Variants in TSPAN18 observed in about 807,000 individuals in gnomAD.
TSPAN18 encodes tetraspanin-18.
In TSPAN18, 14 loss-of-function variants were observed where a neutral mutation model predicts 27.3. That is an observed-to-expected ratio of 0.51 (90% CI 0.34 to 0.80). TSPAN18 has a LOEUF of 0.80. Among genes scored for constraint, TSPAN18 ranks in the 30% least tolerant of loss-of-function variants. The pLI, the probability that TSPAN18 is intolerant of heterozygous loss-of-function variation, is 0.01. For synonymous variants in TSPAN18, 143 were observed against 136.5 expected (o/e 1.05, Z -0.33); for missense variants, 268 against 323.9 (o/e 0.83, Z 1.32).
At chr11:44,910,814 C>A (rs1029308181) in intron 5 of TSPAN18, among the ~76,000 whole-genome samples, 1 of 152,190 alleles carries the variant, frequency 6.6e-6, no homozygotes, top group Admixed American at 6.5e-5. Context: ...GGCAGCCGAG[C>A]CGTGCGGATG....
At chr11:44,900,450 A>C (rs999174318) in intron 3 of TSPAN18, among the ~76,000 whole-genome samples, 9 of 152,160 alleles carry the variant, frequency 5.9e-5, no homozygotes, top group Non-Finnish European at 1.3e-4. Context: ...TGGCTCAGGC[A>C]CTTCTGTACT....
chr11:44,851,955 G>A (rs573095811), intron 2 of TSPAN18, among the ~76,000 whole-genome samples: 1 of 152,246 alleles, frequency 6.6e-6, no homozygotes, highest in South Asian at 2.1e-4. Flanking sequence ...GGAACACATC[G>A]CTAACTCAGC....
chr11:44,745,320 C>T (rs919221978), intron 1 of TSPAN18, among the ~76,000 whole-genome samples: 1 of 152,184 alleles, frequency 6.6e-6, no homozygotes, highest in African/African-American at 2.4e-5. Context: ...ACAACCTATT[C>T]AGGCTCCAAT....
At chr11:44,769,052 GC>G (rs1855632389) in intron 2 of TSPAN18, among the ~76,000 whole-genome samples, 3 of 152,066 alleles carry the variant, frequency 2.0e-5, no homozygotes, top group Admixed American at 2.0e-4. Context: ...ATGCTACCAT[GC>G]CCAGCTAATT....
chr11:44,916,999 C>G (rs1859934609), intron 5 of TSPAN18, among the ~76,000 whole-genome samples: 1 of 152,224 alleles, frequency 6.6e-6, no homozygotes, highest in Non-Finnish European at 1.5e-5. Context: ...TGTGGCAGAT[C>G]ACAGGGCCTT....
At chr11:44,873,827 G>A (rs1381265472) in intron 3 of TSPAN18, among the ~76,000 whole-genome samples, 1 of 152,226 alleles carries the variant, frequency 6.6e-6, no homozygotes, top group Admixed American at 6.5e-5. Flanking sequence ...ATGGGGCAGA[G>A]CCCAGAGGGA....
At chr11:44,827,303 G>T (rs1361717050) in intron 2 of TSPAN18, among the ~76,000 whole-genome samples, 3 of 152,250 alleles carry the variant, frequency 2.0e-5, no homozygotes, top group Non-Finnish European at 2.9e-5. Context: ...TGGGAAGCCA[G>T]CAGACGGAAC....
chr11:44,873,193 C>G (rs911851096), intron 3 of TSPAN18, among the ~76,000 whole-genome samples: 1 of 152,186 alleles, frequency 6.6e-6, no homozygotes, highest in African/African-American at 2.4e-5. Flanking sequence ...GCACAGGGGC[C>G]CTGCATAGCC....
intron 1 of TSPAN18, among the ~76,000 whole-genome samples, chr11:44,755,944 G>C (rs1855322914): frequency 6.6e-6 from 1 of 152,148 alleles, no homozygotes; most frequent in South Asian, 2.1e-4. Flanking sequence ...AGGGGAGACA[G>C]AGAGAGAAAT....
chr11:44,854,201 G>GT, intron 2 of TSPAN18, among the ~76,000 whole-genome samples: 1 of 6,748 alleles, frequency 1.5e-4, no homozygotes, highest in Non-Finnish European at 1.3e-3. Context: ...GGCAGGGGGT[G>GT]GGGGGGGGGG....
intron 2 of TSPAN18, among the ~76,000 whole-genome samples, chr11:44,839,604 C>T (rs1198026870): frequency 1.3e-5 from 2 of 152,140 alleles, no homozygotes; most frequent in African/African-American, 4.8e-5. Flanking sequence ...CTGTCTGCCC[C>T]AGGGGTTCCT....
At position 44,890,400 on chromosome 11, in the gene TSPAN18, G is replaced by A. The variant is rs186743421; in HGVS notation, c.-10-16007G>A. On this transcript the variant is annotated intron_variant, in intron 3 of 9. Coordinates refer to ENST00000520358, the MANE Select transcript of TSPAN18 (RefSeq NM_130783.5). ...GTGACTTTGTCATCAACAGATCTAAGTACATATTTTCAAATTACCTAAAAA... is the reference window on the plus strand; with the variant it reads ...GTGACTTTGTCATCAACAGATCTAAATACATATTTTCAAATTACCTAAAAA... Among the ~76,000 whole-genome samples, 764 of 152,342 alleles carry A rather than the reference G, an allele frequency of 5.0e-3. 4 individuals are homozygous for A. Among genetic ancestry groups the A allele is most frequent in the Admixed American group, 8.9e-3 (136 of 15,300 alleles).
At chr11:44,919,763 C>G (rs112012430) in intron 7 of TSPAN18, 54 bp from the exon 8 acceptor site, 4 of 1,566,610 alleles carry the variant, frequency 2.6e-6, no homozygotes, top group Non-Finnish European at 3.5e-6. Context: ...TCTCTGTCCC[C>G]GCCCCTGTGT....
intron 2 of TSPAN18, among the ~76,000 whole-genome samples, chr11:44,809,459 G>A (rs1375133910): frequency 6.6e-6 from 1 of 152,202 alleles, no homozygotes; most frequent in Non-Finnish European, 1.5e-5. Flanking sequence ...ATTCACATCA[G>A]TGGCTCCCCA....
chr11:44,890,926 C>G (rs1565193900), intron 3 of TSPAN18, among the ~76,000 whole-genome samples: 1 of 152,124 alleles, frequency 6.6e-6, no homozygotes, highest in Non-Finnish European at 1.5e-5. Context: ...AATCCCAGCA[C>G]TTTGGGAGAC....
intron 3 of TSPAN18, among the ~76,000 whole-genome samples, chr11:44,904,530 C>A (rs1007012419): frequency 6.6e-6 from 1 of 152,244 alleles, no homozygotes; most frequent in Non-Finnish European, 1.5e-5. Flanking sequence ...GGCACCACCC[C>A]TGAGACCAGG....
chr11:44,789,101 C>A (rs1464146546), intron 2 of TSPAN18, among the ~76,000 whole-genome samples: 3 of 152,194 alleles, frequency 2.0e-5, no homozygotes, highest in South Asian at 2.1e-4. Flanking sequence ...GACAATAACA[C>A]CCTCGTGTCA....
At chr11:44,826,732 G>A (rs895062447) in intron 2 of TSPAN18, among the ~76,000 whole-genome samples, 2 of 152,224 alleles carry the variant, frequency 1.3e-5, no homozygotes, top group Non-Finnish European at 1.5e-5. Context: ...TGCAGGCCTT[G>A]CCTCTGGATG....
At chr11:44,911,265 T>A (rs550979923) in intron 5 of TSPAN18, among the ~76,000 whole-genome samples, 1 of 152,150 alleles carries the variant, frequency 6.6e-6, no homozygotes, top group East Asian at 1.9e-4. Context: ...GGGGGCTCCC[T>A]TGCAAGGTTC....
Sources: allele counts gnomAD v4.1 joint callset (sites outside exome capture counted in the v4.1 genomes callset), GRCh38; gene constraint gnomAD v4.1.1; transcripts MANE v1.5; gene names NCBI Gene and HGNC (gene_info 2026-07-23, HGNC 2026-07-21).